LGALS8: variants seen among roughly 807,000 people sequenced by gnomAD.
LGALS8 encodes galectin 8, also known as galectin-8.
Under a neutral mutation model 35.9 loss-of-function variants are expected in LGALS8, and 30 were observed. The observed-to-expected ratio is 0.83, with a 90% confidence interval of 0.62 to 1.13. The LOEUF (loss-of-function observed/expected upper bound fraction) is 1.13, where lower values mean the gene tolerates loss of function less well. LGALS8 is among the 50% of genes most tolerant of loss of function. The pLI, the probability that LGALS8 is intolerant of heterozygous loss-of-function variation, is 0.00. For missense variants in LGALS8, 366 were observed against 388.7 expected (o/e 0.94, Z 0.49); for synonymous variants, 138 against 136.1 (o/e 1.01, Z -0.10).
chr1:236,521,202 G>T (rs1353990837), upstream of LGALS8, among the ~76,000 whole-genome samples: 1 of 152,188 alleles, frequency 6.6e-6, no homozygotes, highest in Admixed American at 6.5e-5. Context: ...CATGACAAAT[G>T]TTAGCCAGAA....
chr1:236,536,792 T>A (rs1286462323), intron 2 of LGALS8: 1 of 152,150 alleles, frequency 6.6e-6, no homozygotes, highest in African/African-American at 2.4e-5. Flanking sequence ...TCGAACCTTC[T>A]GTTGGGATCA....
At chr1:236,520,378 TA>T (rs35603699), upstream of LGALS8, among the ~76,000 whole-genome samples, 110,484 of 142,502 alleles carry the variant, frequency 0.78, 42,871 homozygotes, top group East Asian at 0.99. Context: ...ATCTTCTCTT[TA>T]AAAAAAAAAA....
intron 2 of LGALS8, among the ~76,000 whole-genome samples, chr1:236,535,516 T>A (rs1301763601): frequency 6.6e-6 from 1 of 152,192 alleles, no homozygotes; most frequent in Non-Finnish European, 1.5e-5. Flanking sequence ...AAAGATAATT[T>A]TAAGATGAAA....
At chr1:236,537,812 T>C (rs1309904812) in intron 3 of LGALS8, among the ~76,000 whole-genome samples, 1 of 151,698 alleles carries the variant, frequency 6.6e-6, no homozygotes, top group Non-Finnish European at 1.5e-5. Flanking sequence ...AAATTAGAAC[T>C]ATCAGCTGGA....
chr1:236,550,891 C>T lies in LGALS8; in HGVS notation c.*2730C>T. On this transcript the variant is annotated 3_prime_UTR_variant, in exon 10 of 10. Transcript: ENST00000366584. ...GAACTCTGAGTAGAGTATGAAACAC[C>T]ACAGAAAGTCTTAGAAATAGCTCTG... is the stretch of plus-strand genomic sequence containing the variant. 1 of 1,582,754 alleles carries T rather than the reference C, an allele frequency of 6.3e-7. No individual in the cohort carries two copies. The highest frequency in any genetic ancestry group is 8.6e-7 in the Non-Finnish European group (1 of 1,166,712).
upstream of LGALS8, among the ~76,000 whole-genome samples, chr1:236,520,754 A>G (rs1365941510): frequency 6.6e-6 from 1 of 152,096 alleles, no homozygotes; most frequent in African/African-American, 2.4e-5. Flanking sequence ...ATTTTCTCCC[A>G]CTACTCTCCT....
rs1572014694 is a variant in LGALS8, at chr1:236,542,358, T to A, written c.523-403T>A. The A allele has an allele frequency of 2.2e-5, 5 of 224,250 alleles. No homozygotes were observed. In the Admixed American group the frequency reaches 2.6e-4, roughly 12 times the overall value. 13.9% of individuals were successfully genotyped at this position (224,250 alleles called of 1,614,324 possible). A position where few individuals can be genotyped will look rare whatever the true frequency, so the allele number is the denominator to read the frequency against. ...TTATCTGGGCATGGTGGCGCATGGC[T>A]GTGATCCCAGCTTTGGGTGGCTGAA... On this transcript the variant is annotated intron_variant, in intron 6 of 9. Coordinates refer to ENST00000366584, the MANE Select transcript of LGALS8 (RefSeq NM_201544.4).
rs1662756452 is a variant in LGALS8 at position 236,551,756 on chromosome 1, A to G, written c.*3595A>G. On this transcript the variant is annotated 3_prime_UTR_variant, in exon 10 of 10. Coordinates refer to ENST00000366584, the MANE Select transcript of LGALS8 (RefSeq NM_201544.4). ...CACCACAAAAGAAAAGATCGTGAAG[A>G]TTACACTGTAAACGGACTCTCAAAT... is the stretch of plus-strand genomic sequence containing the variant. 2 of 428,282 alleles carry G rather than the reference A, an allele frequency of 4.7e-6. No homozygotes were observed. Among genetic ancestry groups the G allele is most frequent in the Non-Finnish European group, 4.2e-6 (1 of 239,364 alleles). The allele number at this position is 428,282 out of a possible 1,614,324, so 26.5% of individuals were successfully genotyped here.
chr1:236,544,837 T>G lies in LGALS8; in HGVS notation c.726T>G (p.Asn242Lys), dbSNP rs1000383743. Residue 242 changes from asparagine to lysine, a missense_variant, in exon 9 of 10, where the codon AAT (asparagine) becomes AAG (lysine). Transcript: ENST00000366584. ...PRLNIKAFVRNSFLQESWGEE... is the reference protein window; with the variant it reads ...PRLNIKAFVRKSFLQESWGEE... Reference sequence around the variant, plus strand: ...TGAATATTAAAGCATTTGTAAGAAATTCTTTTCTTCAGGAGTCCTGGGGAG... The same window carrying G: ...TGAATATTAAAGCATTTGTAAGAAAGTCTTTTCTTCAGGAGTCCTGGGGAG... 1 of 1,613,614 alleles carries G rather than the reference T, an allele frequency of 6.2e-7. No homozygotes were observed. The highest frequency in any genetic ancestry group is 1.3e-5 in the African/African-American group (1 of 75,060).
intron 4 of LGALS8, among the ~76,000 whole-genome samples, chr1:236,539,693 A>G (rs1218233228): frequency 1.3e-5 from 2 of 152,034 alleles, no homozygotes; most frequent in African/African-American, 4.8e-5. Flanking sequence ...GCGAGAGAAG[A>G]CTCGAATGCC....
At chr1:236,518,418 C>T (rs1401362353) in intron 1 of LGALS8, 1 of 152,026 alleles carries the variant, frequency 6.6e-6, no homozygotes, top group African/African-American at 2.4e-5. Context: ...AAATGAATTC[C>T]TTTAGATTGG....
rs371280302 is a variant in LGALS8, at chr1:236,526,135, T to C, written c.45+20T>C. On this transcript the variant is annotated intron_variant, in intron 2 of 9. Transcript: ENST00000366584. This position sits in a 1 kb window ranked among gnomAD's most constrained non-coding sequence, Gnocchi z 4.6. The stretch of plus-strand genomic sequence containing the variant: ...AACCCGGTAACTGATTTCTATAAGA[T>C]AACTTTTTACCTATGCCAGGACAGA... The C allele has an allele frequency of 1.5e-5, 24 of 1,561,170 alleles. No individual in the cohort carries two copies. Among genetic ancestry groups the C allele is most frequent in the Non-Finnish European group, 1.9e-5 (21 of 1,132,610 alleles).
intron 1 of LGALS8, chr1:236,524,466 C>G (rs1260331852): frequency 2.2e-6 from 1 of 456,208 alleles, no homozygotes; most frequent in East Asian, 6.9e-5. Flanking sequence ...GTTTCCTTCC[C>G]GGAATTTGTA....
In LGALS8 at chr1:236,526,208, G is replaced by A; in HGVS notation, c.45+93G>A. On this transcript the variant is annotated intron_variant, in intron 2 of 9. Coordinates refer to ENST00000366584, the MANE Select transcript of LGALS8 (RefSeq NM_201544.4). The surrounding 1 kb of genome is among the most constrained non-coding windows in gnomAD (Gnocchi z 4.6). ...ATTGGGAGACAGGGCAAGAATAAAA[G>A]CCAGTGAACATATTTAAAGCACCTA... 1 of 944,070 alleles carries A rather than the reference G, an allele frequency of 1.1e-6. No individual in the cohort carries two copies. 58.5% of individuals were successfully genotyped at this position (944,070 alleles called of 1,614,324 possible). A position where few individuals can be genotyped will look rare whatever the true frequency, so the allele number is the denominator to read the frequency against.
chr1:236,544,405 T>C (rs532869483), intron 8 of LGALS8, among the ~76,000 whole-genome samples: 29 of 152,336 alleles, frequency 1.9e-4, no homozygotes, highest in African/African-American at 3.1e-4. Flanking sequence ...CACGGGTAGA[T>C]GATGAAAAGA....
In LGALS8 at chr1:236,551,056, G is replaced by C; in HGVS notation, c.*2895G>C. The stretch of plus-strand genomic sequence containing the variant: ...AGTCCGCCTGCCTCGGTTCTCATTA[G>C]TTTAATTCTTAATGCCTTGCACTTT... On this transcript the variant is annotated 3_prime_UTR_variant, in exon 10 of 10. Transcript: ENST00000366584. 1 of 1,257,688 alleles carries C rather than the reference G, an allele frequency of 8.0e-7. No homozygotes were observed. The highest frequency in any genetic ancestry group is 1.1e-6 in the Non-Finnish European group (1 of 905,572). 77.9% of individuals were successfully genotyped at this position (1,257,688 alleles called of 1,614,324 possible).
chr1:236,535,945 C>A (rs75585169), intron 2 of LGALS8, among the ~76,000 whole-genome samples: 3,768 of 152,290 alleles, frequency 0.025, 148 homozygotes, highest in African/African-American at 0.085. Context: ...ATGCAGTTAC[C>A]GATCGTCTCT....
At chr1:236,519,959 T>G (rs1263105489), upstream of LGALS8, among the ~76,000 whole-genome samples, 2 of 148,474 alleles carry the variant, frequency 1.3e-5, no homozygotes, top group African/African-American at 5.0e-5. Context: ...TTTTTTTTTT[T>G]TTTTTTTTTT....
chr1:236,535,729 G>A (rs1193808085), intron 2 of LGALS8, among the ~76,000 whole-genome samples: 1 of 152,168 alleles, frequency 6.6e-6, no homozygotes, highest in Non-Finnish European at 1.5e-5. Flanking sequence ...GTTTTCTGGT[G>A]TCATGTGCCT....
Sources: gnomAD v4.1 joint callset for allele counts (sites outside exome capture counted in the v4.1 genomes callset) on GRCh38, gnomAD v4.1.1 for gene constraint, Gnocchi (gnomAD v3.1) non-coding constraint, MANE v1.5 for transcripts, NCBI Gene and HGNC (gene_info 2026-07-23, HGNC 2026-07-21) for gene names.